The following UVRAG variants were observed in gnomAD, a reference collection of about 807,000 sequenced individuals.
UVRAG encodes UV radiation resistance-associated gene protein.
A neutral mutation model predicts 78.0 loss-of-function variants in UVRAG; 19 were observed. The observed-to-expected ratio is 0.24, with a 90% CI of 0.17 to 0.36. The LOEUF is 0.36. Among genes scored for constraint, UVRAG ranks in the 10% least tolerant of loss-of-function variants. UVRAG has a pLI of 1.00. For synonymous variants in UVRAG, 323 were observed against 324.6 expected, an observed-to-expected ratio of 1.00 and a Z score of 0.05; for missense variants, 740 against 853.8, an observed-to-expected ratio of 0.87 and a Z score of 1.66.
intron 8 of UVRAG, among the ~76,000 whole-genome samples, chr11:76,000,880 A>G (rs763878019): frequency 1.8e-4 from 28 of 152,208 alleles, no homozygotes; most frequent in Non-Finnish European, 3.5e-4. Context: ...GCAAAAATAG[A>G]TAGAACTGAA....
At chr11:75,819,642 G>A (rs1483624050) in intron 1 of UVRAG, among the ~76,000 whole-genome samples, 1 of 151,310 alleles carries the variant, frequency 6.6e-6, no homozygotes, top group Non-Finnish European at 1.5e-5. Flanking sequence ...CACCGTGCCC[G>A]GCCCAAAAAC....
At chr11:75,830,173 G>A (rs1945622628) in intron 1 of UVRAG, among the ~76,000 whole-genome samples, 1 of 151,994 alleles carries the variant, frequency 6.6e-6, no homozygotes, top group African/African-American at 2.4e-5. Context: ...CTGGGTATCA[G>A]ATACTGCATT....
intron 9 of UVRAG, among the ~76,000 whole-genome samples, chr11:76,005,322 G>A (rs527551350): frequency 5.9e-5 from 9 of 152,058 alleles, no homozygotes; most frequent in Admixed American, 2.0e-4. Flanking sequence ...CAGTCTGGGC[G>A]ACAGAGCGAG....
chr11:75,972,229 C>T (rs1182263906), intron 7 of UVRAG, among the ~76,000 whole-genome samples: 1 of 151,940 alleles, frequency 6.6e-6, no homozygotes, highest in Non-Finnish European at 1.5e-5. Context: ...TAAAGATTTC[C>T]AAGATACCAA....
chr11:75,878,221 C>T (rs1192901266), intron 3 of UVRAG, among the ~76,000 whole-genome samples: 5 of 148,176 alleles, frequency 3.4e-5, no homozygotes, highest in African/African-American at 7.6e-5. Flanking sequence ...ACATCCCAGA[C>T]GGGGCGGCGG....
At chr11:76,113,063 G>A (rs2134462533) in intron 13 of UVRAG, among the ~76,000 whole-genome samples, 1 of 152,048 alleles carries the variant, frequency 6.6e-6, no homozygotes, top group East Asian at 1.9e-4. Context: ...CAAGTACATA[G>A]AAAAGCTCAA....
intron 1 of UVRAG, among the ~76,000 whole-genome samples, chr11:75,823,033 C>T (rs978499805): frequency 2.6e-5 from 4 of 152,046 alleles, no homozygotes; most frequent in Non-Finnish European, 4.4e-5. Flanking sequence ...ATGTTCCTCA[C>T]CTAGGAAACG....
intron 11 of UVRAG, among the ~76,000 whole-genome samples, chr11:76,015,161 G>A (rs991405721): frequency 5.3e-5 from 8 of 152,174 alleles, no homozygotes; most frequent in African/African-American, 1.4e-4. Context: ...AAACTAAGGT[G>A]GTACACGTGT....
Position 75,827,777 on chromosome 11 carries a change from G to A in UVRAG, c.117+12253G>A, listed in dbSNP as rs907091152. On this transcript the variant is annotated intron_variant, in intron 1 of 14. Coordinates refer to ENST00000356136, the MANE Select transcript of UVRAG (RefSeq NM_003369.4). ...TGCCAGCCTACTTACATCTTTCAGG[G>A]GATATGAACTATTTCCTTCCTTAAT... is the stretch of plus-strand genomic sequence containing the variant. Among the ~76,000 whole-genome samples, 6 of 152,188 alleles carry A rather than the reference G, an allele frequency of 3.9e-5. No homozygotes were observed. In the East Asian group the frequency reaches 9.7e-4, roughly 24 times the overall value.
intron 13 of UVRAG, among the ~76,000 whole-genome samples, chr11:76,106,502 A>G (rs1274706229): frequency 1.3e-5 from 2 of 152,070 alleles, no homozygotes; most frequent in African/African-American, 4.8e-5. Context: ...AGTAGCTGGG[A>G]TTACAGGCAC....
At chr11:76,085,919 C>T (rs1951582140) in intron 13 of UVRAG, among the ~76,000 whole-genome samples, 1 of 152,176 alleles carries the variant, frequency 6.6e-6, no homozygotes, top group South Asian at 2.1e-4. Flanking sequence ...ATGTCAGACA[C>T]CCCATGCCTG....
intron 3 of UVRAG, among the ~76,000 whole-genome samples, chr11:75,867,687 C>T (rs1565353125): frequency 6.6e-6 from 1 of 152,210 alleles, no homozygotes; most frequent in Non-Finnish European, 1.5e-5. Flanking sequence ...TCAGCTAAAG[C>T]TGCCAAATAG....
intron 12 of UVRAG, among the ~76,000 whole-genome samples, chr11:76,042,399 G>T (rs532066601): frequency 6.6e-5 from 10 of 152,314 alleles, no homozygotes; most frequent in African/African-American, 2.2e-4. Context: ...TAAAAGGAGT[G>T]GCTTGTGGAG....
chr11:75,840,902 G>C (rs1197535554), intron 1 of UVRAG, among the ~76,000 whole-genome samples: 1 of 152,148 alleles, frequency 6.6e-6, no homozygotes, highest in Non-Finnish European at 1.5e-5. Flanking sequence ...ATAATATAGA[G>C]AGCTCCTTTC....
chr11:75,918,589 G>C (rs1947910912), intron 6 of UVRAG, among the ~76,000 whole-genome samples: 1 of 152,050 alleles, frequency 6.6e-6, no homozygotes, highest in Non-Finnish European at 1.5e-5. Flanking sequence ...AGTGCTTACT[G>C]TGTTATAAAT....
At chr11:75,858,400 A>G (rs1344332546) in intron 2 of UVRAG, among the ~76,000 whole-genome samples, 2 of 151,958 alleles carry the variant, frequency 1.3e-5, no homozygotes, top group East Asian at 3.8e-4. Context: ...TTTTTCACTT[A>G]CTGTCTTAGG....
At chr11:75,950,553 C>A (rs1223192877) in intron 6 of UVRAG, among the ~76,000 whole-genome samples, 1 of 152,126 alleles carries the variant, frequency 6.6e-6, no homozygotes, top group East Asian at 1.9e-4. Context: ...CGCACCCAGC[C>A]CACATTATAC....
intron 11 of UVRAG, chr11:76,012,898 T>C (rs1213838011): frequency 6.6e-6 from 1 of 151,960 alleles, no homozygotes; most frequent in African/African-American, 2.4e-5. Context: ...GACCCAGATT[T>C]CCTTCTGTGT....
At chr11:76,106,453 C>T (rs1802627424) in intron 13 of UVRAG, among the ~76,000 whole-genome samples, 2 of 152,088 alleles carry the variant, frequency 1.3e-5, no homozygotes, top group Admixed American at 6.5e-5. Flanking sequence ...GTAACCTCCG[C>T]TTCCCAGGTT....
Sources: allele counts gnomAD v4.1 joint callset (sites outside exome capture counted in the v4.1 genomes callset), GRCh38; gene constraint gnomAD v4.1.1; transcripts MANE v1.5; gene names NCBI Gene and HGNC (gene_info 2026-07-23, HGNC 2026-07-21).